Variants in JARID2 observed in about 807,000 individuals in gnomAD.
The protein encoded by JARID2 is jumonji and AT-rich interaction domain containing 2, also known as protein Jumonji.
A neutral mutation model predicts 125.6 loss-of-function variants in JARID2; 21 were observed. That is an observed-to-expected ratio of 0.17 (90% confidence interval 0.12 to 0.24). The LOEUF (loss-of-function observed/expected upper bound fraction) is 0.24, where lower values mean the gene tolerates loss of function less well. Among genes scored for constraint, JARID2 ranks in the 10% least tolerant of loss-of-function variants. The pLI, the probability that JARID2 is intolerant of heterozygous loss-of-function variation, is 1.00. For missense variants in JARID2, 1,303 were observed against 1,639.6 expected, an observed-to-expected ratio of 0.79 and a Z score of 3.55; for synonymous variants, 736 against 661.6, an observed-to-expected ratio of 1.11 and a Z score of -1.73.
At chr6:15,449,665 A>T (rs1265636270) in intron 3 of JARID2, among the ~76,000 whole-genome samples, 1 of 151,980 alleles carries the variant, frequency 6.6e-6, no homozygotes, top group African/African-American at 2.4e-5. Context: ...ACCCAGTTTC[A>T]GTAAAAAGGT....
chr6:15,420,143 G>A (rs1409834862), intron 3 of JARID2, among the ~76,000 whole-genome samples: 2 of 152,118 alleles, frequency 1.3e-5, no homozygotes, highest in Non-Finnish European at 1.5e-5. Context: ...AGCTGGGCAC[G>A]CCTGTAATCC....
chr6:15,253,632 C>G lies in JARID2; in HGVS notation c.45+7048C>G, dbSNP rs569840616. ...CTGGGTTTCTGGTTTTTTTTTTACA[C>G]TTGTACCACAGTTTGTCTTGCCACA... is the stretch of plus-strand genomic sequence containing the variant. On this transcript the variant is annotated intron_variant, in intron 1 of 17. Coordinates refer to ENST00000341776, the MANE Select transcript of JARID2 (RefSeq NM_004973.4). Among the ~76,000 whole-genome samples the G allele has an allele frequency of 3.9e-5, 6 of 152,070 alleles. No individual in the cohort carries two copies. The East Asian group carries it at 1.2e-3, about 29-fold the overall frequency.
intron 5 of JARID2, among the ~76,000 whole-genome samples, chr6:15,486,544 T>C (rs1280283404): frequency 6.6e-6 from 1 of 152,250 alleles, no homozygotes; most frequent in African/African-American, 2.4e-5. Flanking sequence ...AGTAGGGTTG[T>C]TCTGAGGATT....
At chr6:15,510,293 C>T (rs1771210889) in intron 12 of JARID2, among the ~76,000 whole-genome samples, 1 of 152,144 alleles carries the variant, frequency 6.6e-6, no homozygotes, top group Admixed American at 6.5e-5. Flanking sequence ...CTGAGACACC[C>T]AGGGGCAGGG....
chr6:15,468,547 C>A lies in JARID2; in HGVS notation c.499C>A (p.Pro167Thr). ...FLTFLCLRGS[P>T]ALPNSMVYFG... The stretch of plus-strand genomic sequence containing the variant: ...TGTTTTTCTTATTCCACCAGGTTCT[C>A]CTGCGCTGCCCAACAGCATGGTGTA... Residue 167 changes from proline to threonine, a missense_variant, in exon 5 of 18, where the codon CCT becomes ACT. Physicochemically the swap from Pro to Thr is conservative, Grantham distance 38. Transcript: ENST00000341776. 6.2e-7 allele frequency: 1 copy of A among 1,612,610 alleles called. No homozygotes were observed. Among genetic ancestry groups the A allele is most frequent in the Non-Finnish European group, 8.5e-7 (1 of 1,179,284 alleles).
chr6:15,286,671 T>TTTGTC, intron 1 of JARID2, among the ~76,000 whole-genome samples: 1 of 151,620 alleles, frequency 6.6e-6, no homozygotes, highest in Admixed American at 6.6e-5. Context: ...GCATCCTGGC[T>TTTGTC]AACACGGTGA....
At chr6:15,496,092 T>G in intron 6 of JARID2, 40 bp from the exon 7 acceptor site, 1 of 1,545,338 alleles carries the variant, frequency 6.5e-7, no homozygotes, top group Non-Finnish European at 8.8e-7. Context: ...CAGGTACTAA[T>G]TCTGCGTTTT....
At chr6:15,516,650 A>G (rs948219512) in intron 16 of JARID2, among the ~76,000 whole-genome samples, 2 of 152,210 alleles carry the variant, frequency 1.3e-5, no homozygotes, top group African/African-American at 2.4e-5. Context: ...TGAGCCACTC[A>G]TGGACCACCA....
intron 1 of JARID2, among the ~76,000 whole-genome samples, chr6:15,261,329 T>G (rs1312020104): frequency 7.1e-6 from 1 of 140,996 alleles, no homozygotes; most frequent in Non-Finnish European, 1.6e-5. Context: ...TTTTTTTTTT[T>G]TTTGAGACGG....
chr6:15,507,330 G>A lies in JARID2; in HGVS notation c.2661-16G>A, dbSNP rs116396622. Reference sequence around the variant, plus strand: ...TCCCCGCCAGTTTGTAACGTCCCTCGTCTTCCCCTTTGCAGGCATGGATGG... The same window carrying A: ...TCCCCGCCAGTTTGTAACGTCCCTCATCTTCCCCTTTGCAGGCATGGATGG... On this transcript the variant is annotated splice_polypyrimidine_tract_variant and intron_variant, in intron 10 of 17. Transcript: ENST00000341776. 2 of 1,613,180 alleles carry A rather than the reference G, an allele frequency of 1.2e-6. No homozygotes were observed. The highest frequency in any genetic ancestry group is 1.3e-5 in the African/African-American group (1 of 75,026).
chr6:15,297,298 G>A (rs1448213599), intron 1 of JARID2, among the ~76,000 whole-genome samples: 6 of 151,946 alleles, frequency 3.9e-5, no homozygotes, highest in African/African-American at 1.4e-4. Flanking sequence ...TATAGGCGCC[G>A]CCACCACGCC....
intron 2 of JARID2, among the ~76,000 whole-genome samples, chr6:15,388,535 A>G (rs1299349888): frequency 6.6e-6 from 1 of 151,214 alleles, no homozygotes; most frequent in Non-Finnish European, 1.5e-5. Flanking sequence ...CTATCGTTCA[A>G]GGAGGTGTGG....
chr6:15,480,905 A>G (rs561150880), intron 5 of JARID2, among the ~76,000 whole-genome samples: 1 of 152,348 alleles, frequency 6.6e-6, no homozygotes, highest in South Asian at 2.1e-4. Flanking sequence ...GGTCTCTTCC[A>G]GGAAACTTGT....
At chr6:15,355,361 G>A (rs1763561741) in intron 1 of JARID2, among the ~76,000 whole-genome samples, 1 of 152,142 alleles carries the variant, frequency 6.6e-6, no homozygotes, top group Non-Finnish European at 1.5e-5. Flanking sequence ...TTATGATTTT[G>A]TTTTGCCTAT....
intron 2 of JARID2, among the ~76,000 whole-genome samples, chr6:15,378,557 A>T (rs909431120): frequency 2.6e-5 from 4 of 152,078 alleles, no homozygotes; most frequent in African/African-American, 9.7e-5. Flanking sequence ...TGACTGTTAG[A>T]TGTGGTAGTG....
intron 3 of JARID2, among the ~76,000 whole-genome samples, chr6:15,414,409 C>A (rs1766038191): frequency 6.6e-6 from 1 of 152,174 alleles, no homozygotes; most frequent in South Asian, 2.1e-4. Flanking sequence ...TTACTTGACA[C>A]TAGGGATCTT....
At position 15,501,214 on chromosome 6, in the gene JARID2, G is replaced by A; in HGVS notation, c.2253G>A (p.Leu751=). The A allele has an allele frequency of 6.2e-7, 1 of 1,613,926 alleles. No homozygotes were observed. The highest frequency in any genetic ancestry group is 8.5e-7 in the Non-Finnish European group (1 of 1,179,850). ...TENDHHKFHP[L]PRFEPKNGLI... is the part of the protein sequence containing the mutation. ...ACGACCACCACAAGTTCCACCCTCT[G>A]CCCCGCTTCGAGCCCAAGAATGGGC... The change falls in exon 8 of 18, where the codon CTG becomes CTA. Residue 751 remains leucine (L), a synonymous_variant. Coordinates refer to ENST00000341776, the MANE Select transcript of JARID2 (RefSeq NM_004973.4).
Position 15,520,228 on chromosome 6 carries a change from A to G in JARID2, c.3718A>G (p.Lys1240Glu), listed in dbSNP as rs751776983. Residue 1240 changes from lysine to glutamate, a missense_variant, in exon 18 of 18, where the codon AAA (lysine) becomes GAA (glutamate). Around this residue, in one of 11 missense-constraint regions of JARID2, gnomAD observed 75 missense variants for 66.0 expected, o/e 1.14. Transcript: ENST00000341776. ...CCGTCTGTCAGCCTCCAGTTCATCC[A>G]AAAGTGCTTCGAGCTCATCATGAAG... Reference protein sequence around the residue: ...PSRLSASSSSKSASSSS With the variant: ...PSRLSASSSSESASSSS The G allele has an allele frequency of 1.1e-5, 17 of 1,610,800 alleles. No individual in the cohort carries two copies. The highest frequency in any genetic ancestry group is 1.3e-5 in the African/African-American group (1 of 74,760).
At chr6:15,292,154 C>A (rs1324938933) in intron 1 of JARID2, among the ~76,000 whole-genome samples, 1 of 151,902 alleles carries the variant, frequency 6.6e-6, no homozygotes, top group Non-Finnish European at 1.5e-5. Flanking sequence ...GTAGCTGGGA[C>A]CACAGACGCC....
Sources: allele counts gnomAD v4.1 joint callset (sites outside exome capture counted in the v4.1 genomes callset), GRCh38; gene constraint gnomAD v4.1.1; regional missense constraint gnomAD v4.1.1; transcripts MANE v1.5; gene names NCBI Gene and HGNC (gene_info 2026-07-23, HGNC 2026-07-21).